The following RCAN2 variants were observed in gnomAD, a reference collection of about 807,000 sequenced individuals.
The protein encoded by RCAN2 is calcipressin-2.
RCAN2 carries 9 observed loss-of-function variants against 23.6 expected under a neutral mutation model. That is an observed-to-expected ratio of 0.38 (90% confidence interval 0.23 to 0.67). RCAN2 has a LOEUF of 0.67. Ranked by LOEUF, RCAN2 falls within the 30% of genes least tolerant of loss-of-function variation. The pLI, the probability that RCAN2 is intolerant of heterozygous loss-of-function variation, is 0.51. For missense variants in RCAN2, 273 were observed against 302.3 expected, an observed-to-expected ratio of 0.90 and a Z score of 0.72; for synonymous variants, 109 against 115.7, an observed-to-expected ratio of 0.94 and a Z score of 0.37.
intron 4 of RCAN2, among the ~76,000 whole-genome samples, chr6:46,223,823 G>C (rs1380722220): frequency 6.6e-6 from 1 of 152,142 alleles, no homozygotes; most frequent in Non-Finnish European, 1.5e-5. Flanking sequence ...TGGGTAACTG[G>C]GTTAGATGAC....
intron 2 of RCAN2, among the ~76,000 whole-genome samples, chr6:46,417,084 T>C (rs1055144528): frequency 2.0e-5 from 3 of 152,230 alleles, no homozygotes; most frequent in African/African-American, 7.2e-5. Flanking sequence ...CTTTGTCCAA[T>C]ATTGCTTTAC....
chr6:46,344,090 T>C (rs1460617368), intron 2 of RCAN2, among the ~76,000 whole-genome samples: 5 of 151,260 alleles, frequency 3.3e-5, no homozygotes, highest in Non-Finnish European at 5.9e-5. Flanking sequence ...GCATGAGGAG[T>C]TTTTCTGGAA....
chr6:46,239,346 T>C (rs1026737641), intron 4 of RCAN2, among the ~76,000 whole-genome samples: 2 of 152,344 alleles, frequency 1.3e-5, no homozygotes, highest in Non-Finnish European at 2.9e-5. Flanking sequence ...TTCAGTCCTT[T>C]GTAACCTTTT....
In RCAN2 at chr6:46,222,906, A is replaced by G. The variant is rs550644414; in HGVS notation, c.*235T>C. On this transcript the variant is annotated 3_prime_UTR_variant, in exon 5 of 5. Coordinates refer to ENST00000371374, the MANE Select transcript of RCAN2 (RefSeq NM_001251974.2). ...AGGCTGTGCTGATTGTTTAATAAGA[A>G]AATACTACTTTTTTCCCTAGAACCT... 4 of 505,486 alleles carry G rather than the reference A, an allele frequency of 7.9e-6. No individual in the cohort carries two copies. The South Asian group carries it at 9.6e-5, about 12-fold the overall frequency. 31.3% of individuals were successfully genotyped at this position (505,486 alleles called of 1,614,324 possible).
chr6:46,227,166 A>T (rs967538401), intron 4 of RCAN2, among the ~76,000 whole-genome samples: 1 of 152,090 alleles, frequency 6.6e-6, no homozygotes, highest in Non-Finnish European at 1.5e-5. Context: ...AAGCTTTTTG[A>T]TGTGCTGCTG....
At chr6:46,362,601 G>A (rs1204578163) in intron 2 of RCAN2, among the ~76,000 whole-genome samples, 5 of 152,034 alleles carry the variant, frequency 3.3e-5, no homozygotes, top group Non-Finnish European at 7.4e-5. Context: ...TTCTGTCATG[G>A]TTCTGTATTC....
At chr6:46,277,108 A>G (rs1317077483) in intron 2 of RCAN2, among the ~76,000 whole-genome samples, 1 of 152,228 alleles carries the variant, frequency 6.6e-6, no homozygotes, top group Non-Finnish European at 1.5e-5. Flanking sequence ...ATGGTGGTTG[A>G]GGAAAAAAGA....
chr6:46,484,558 G>A (rs191729762), intron 1 of RCAN2, among the ~76,000 whole-genome samples: 21 of 152,300 alleles, frequency 1.4e-4, no homozygotes. Context: ...GAATTGAGAA[G>A]CCAGAAGAAG....
intron 4 of RCAN2, among the ~76,000 whole-genome samples, chr6:46,243,652 A>T (rs1436862142): frequency 1.3e-5 from 2 of 151,938 alleles, no homozygotes; most frequent in Non-Finnish European, 1.5e-5. Flanking sequence ...GTACTAAAAA[A>T]TATAAAAATT....
At chr6:46,487,989 A>G (rs1238972535) in intron 1 of RCAN2, among the ~76,000 whole-genome samples, 2 of 152,188 alleles carry the variant, frequency 1.3e-5, no homozygotes, top group African/African-American at 4.8e-5. Context: ...ACAGATTTAA[A>G]ATAACAAAAG....
At chr6:46,469,178 C>G (rs1411536292) in intron 1 of RCAN2, among the ~76,000 whole-genome samples, 1 of 152,202 alleles carries the variant, frequency 6.6e-6, no homozygotes, top group Non-Finnish European at 1.5e-5. Flanking sequence ...ACAACTGAGA[C>G]ACTGACACAG....
intron 2 of RCAN2, among the ~76,000 whole-genome samples, chr6:46,280,448 T>C (rs1767868525): frequency 6.6e-6 from 1 of 151,818 alleles, no homozygotes; most frequent in Non-Finnish European, 1.5e-5. Context: ...TAGGTGAACA[T>C]AGTAAGGATG....
chr6:46,276,215 A>AAAAC (rs1268394540), intron 2 of RCAN2, among the ~76,000 whole-genome samples: 1 of 7,528 alleles, frequency 1.3e-4, no homozygotes, highest in Admixed American at 5.3e-4. Context: ...ACTCTGTCTA[A>AAAAC]AAACAAAACA....
At chr6:46,237,063 C>G (rs1766126417) in intron 4 of RCAN2, among the ~76,000 whole-genome samples, 1 of 152,168 alleles carries the variant, frequency 6.6e-6, no homozygotes, top group African/African-American at 2.4e-5. Context: ...TAGCCCCTCT[C>G]TGTCCCTAAC....
intron 3 of RCAN2, among the ~76,000 whole-genome samples, chr6:46,247,817 G>A (rs1283399211): frequency 1.3e-5 from 2 of 152,154 alleles, no homozygotes; most frequent in Non-Finnish European, 2.9e-5. Flanking sequence ...GAACGTGTGT[G>A]TACATGTATT....
Position 46,226,647 on chromosome 6 carries a change from C to T in RCAN2, c.572-3346G>A, listed in dbSNP as rs190472796. On this transcript the variant is annotated intron_variant, in intron 4 of 4. Transcript: ENST00000371374. ...TGCACATTGATTTTGTATCCTGAGACTTTGCTGAAGTTGCTTATCAGCTTA... is the reference window on the plus strand; with the variant it reads ...TGCACATTGATTTTGTATCCTGAGATTTTGCTGAAGTTGCTTATCAGCTTA... Among the ~76,000 whole-genome samples, 394 of 152,290 alleles carry T rather than the reference C, an allele frequency of 2.6e-3. 2 individuals are homozygous for T. Among genetic ancestry groups the T allele is most frequent in the African/African-American group, 7.6e-3 (316 of 41,546 alleles).
At chr6:46,329,406 T>G (rs1380419334) in intron 2 of RCAN2, among the ~76,000 whole-genome samples, 1 of 152,222 alleles carries the variant, frequency 6.6e-6, no homozygotes, top group African/African-American at 2.4e-5. Context: ...ATGTGTCCAC[T>G]GCTTGTCCTC....
chr6:46,283,029 G>A (rs1373824841), intron 2 of RCAN2, among the ~76,000 whole-genome samples: 1 of 152,202 alleles, frequency 6.6e-6, no homozygotes, highest in South Asian at 2.1e-4. Flanking sequence ...TGCCTGACCG[G>A]GGGCTGGCAG....
intron 2 of RCAN2, among the ~76,000 whole-genome samples, chr6:46,251,343 T>G (rs1194218568): frequency 6.6e-6 from 1 of 152,214 alleles, no homozygotes; most frequent in East Asian, 1.9e-4. Context: ...ATGAGAGTAC[T>G]CTGAACTGGT....
Sources: allele counts gnomAD v4.1 joint callset (sites outside exome capture counted in the v4.1 genomes callset), GRCh38; gene constraint gnomAD v4.1.1; transcripts MANE v1.5; gene names NCBI Gene and HGNC (gene_info 2026-07-23, HGNC 2026-07-21).